Variants in NOD2 observed in about 807,000 individuals in gnomAD.
NOD2 encodes nucleotide-binding oligomerization domain-containing protein 2.
Under a neutral mutation model 90.9 loss-of-function variants are expected in NOD2, and 86 were observed. The observed-to-expected ratio is 0.95, with a 90% confidence interval of 0.79 to 1.13. The LOEUF is 1.13. NOD2 is among the 50% of genes most tolerant of loss of function. The probability of loss-of-function intolerance (pLI) is 0.00; values close to 1 mark genes in which losing one functional copy is unlikely to be tolerated. For synonymous variants in NOD2, 581 were observed against 554.6 expected, an observed-to-expected ratio of 1.05 and a Z score of -0.67; for missense variants, 1,238 against 1,283.8, an observed-to-expected ratio of 0.96 and a Z score of 0.55.
intron 9 of NOD2, among the ~76,000 whole-genome samples, chr16:50,725,011 C>T (rs1392527560): frequency 2.6e-5 from 4 of 152,142 alleles, no homozygotes; most frequent in Non-Finnish European, 5.9e-5. Flanking sequence ...TTCTGTATTC[C>T]CGGATTCGAT....
At chr16:50,723,406 C>G (rs1468744538) in intron 9 of NOD2, 22 bp downstream of exon 9, 1 of 1,607,030 alleles carries the variant, frequency 6.2e-7, no homozygotes, top group Non-Finnish European at 8.5e-7. Context: ...GGATTCTCTG[C>G]TCTGGGGAAG....
intron 2 of NOD2, among the ~76,000 whole-genome samples, chr16:50,707,223 A>G (rs534762629): frequency 6.6e-6 from 1 of 152,344 alleles, no homozygotes; most frequent in Admixed American, 6.5e-5. Flanking sequence ...GGTGGAGTCA[A>G]CAGGATTTGG....
chr16:50,698,328 T>C (rs1963756877), intron 1 of NOD2, among the ~76,000 whole-genome samples: 2 of 152,256 alleles, frequency 1.3e-5, no homozygotes, highest in Admixed American at 6.5e-5. Context: ...ATGATAGCAG[T>C]GGCAGCAGTC....
intron 1 of NOD2, among the ~76,000 whole-genome samples, chr16:50,696,686 G>A (rs1963662334): frequency 6.6e-6 from 1 of 152,258 alleles, no homozygotes; most frequent in South Asian, 2.1e-4. Context: ...AGATGTTTAA[G>A]ATGAGACAGG....
chr16:50,723,471 A>T, intron 9 of NOD2, 87 bp downstream of exon 9: 1 of 1,178,830 alleles, frequency 8.5e-7, no homozygotes. Context: ...GGTTGTGTGG[A>T]CAGACAAAGG....
At chr16:50,715,948 G>C (rs1412582371) in intron 4 of NOD2, among the ~76,000 whole-genome samples, 1 of 152,192 alleles carries the variant, frequency 6.6e-6, no homozygotes, top group Non-Finnish European at 1.5e-5. Flanking sequence ...CTGAGAATCT[G>C]TCTTTTAGGG....
At chr16:50,720,781 G>A (rs964866793) in intron 7 of NOD2, among the ~76,000 whole-genome samples, 1 of 152,182 alleles carries the variant, frequency 6.6e-6, no homozygotes, top group Non-Finnish European at 1.5e-5. Context: ...AGGGAGGCAA[G>A]TTGCCCCCAA....
chr16:50,710,812 G>T lies in NOD2; in HGVS notation c.820G>T (p.Ala274Ser), dbSNP rs1384936174. 1 of 1,614,116 alleles carries T rather than the reference G, an allele frequency of 6.2e-7. No individual in the cohort carries two copies. Residue 274 changes from alanine to serine, a missense_variant, in exon 4 of 12, where the codon GCG (alanine) becomes TCG (serine). Physicochemically the swap from Ala to Ser is moderately conservative, Grantham distance 99 (BLOSUM62 1). Transcript: ENST00000647318. ...DADTVLVVGE[A>S]GSGKSTLLQR... ...GGACACTGTGCTGGTGGTGGGTGAGGCGGGCAGTGGCAAGAGCACGCTCCT... is the reference window on the plus strand; with the variant it reads ...GGACACTGTGCTGGTGGTGGGTGAGTCGGGCAGTGGCAAGAGCACGCTCCT...
intron 4 of NOD2, chr16:50,713,620 A>G (rs977172123): frequency 8.0e-5 from 12 of 149,336 alleles, no homozygotes. Context: ...TGAAAAACAG[A>G]TTGTTTACAA....
intron 6 of NOD2, among the ~76,000 whole-genome samples, chr16:50,717,284 A>T (rs1042124695): frequency 3.3e-5 from 5 of 152,180 alleles, no homozygotes; most frequent in African/African-American, 1.2e-4. Flanking sequence ...TCCACGATGC[A>T]TGTTGAGCTC....
At chr16:50,709,631 C>T (rs1490213305) in intron 3 of NOD2, among the ~76,000 whole-genome samples, 1 of 152,158 alleles carries the variant, frequency 6.6e-6, no homozygotes, top group Non-Finnish European at 1.5e-5. Context: ...AGCTGGGGCA[C>T]CCCGGTGACC....
At chr16:50,717,401 G>A (rs1398820657) in intron 6 of NOD2, among the ~76,000 whole-genome samples, 1 of 152,154 alleles carries the variant, frequency 6.6e-6, no homozygotes, top group Non-Finnish European at 1.5e-5. Flanking sequence ...TGCAAGGTTT[G>A]CAGTCCATCT....
chr16:50,706,698 CT>C (rs529592403), intron 2 of NOD2, among the ~76,000 whole-genome samples: 3,839 of 140,412 alleles, frequency 0.027, 45 homozygotes, highest in Admixed American at 0.037. Flanking sequence ...CTATTTCTTT[CT>C]TTTTTTTTTT....
At chr16:50,717,757 T>A (rs1468945853) in intron 6 of NOD2, among the ~76,000 whole-genome samples, 2 of 152,240 alleles carry the variant, frequency 1.3e-5, no homozygotes, top group Non-Finnish European at 2.9e-5. Context: ...TACCACTGCC[T>A]GATCCCTCAG....
At position 50,732,530 on chromosome 16, in the gene NOD2, G is replaced by T. The variant is rs1211962040; in HGVS notation, c.*711G>T. The T allele has an allele frequency of 6.5e-6, 1 of 153,072 alleles. No individual in the cohort carries two copies. Among genetic ancestry groups the T allele is most frequent in the Non-Finnish European group, 1.5e-5 (1 of 68,634 alleles). The allele number at this position is 153,072 out of a possible 1,614,324, so 9.5% of individuals were successfully genotyped here. A position where few individuals can be genotyped will look rare whatever the true frequency, so the allele number is the denominator to read the frequency against. ...CCGTTTGTTCCCCAAGACATTCTAG[G>T]TTTGCAAGAAAAATATGACCACACT... On this transcript the variant is annotated 3_prime_UTR_variant, in exon 12 of 12. Coordinates refer to ENST00000647318, the MANE Select transcript of NOD2 (RefSeq NM_001370466.1).
Position 50,728,228 on chromosome 16 carries a change from C to A in NOD2, c.2886-1590C>A. ...GCTTTGATGATTGCTCTCAATTGGT[C>A]ATTGTCAGCTTCTGATGGCCTGCCA... is the stretch of plus-strand genomic sequence containing the variant. On this transcript the variant is annotated intron_variant, in intron 10 of 11. Transcript: ENST00000647318. The A allele has an allele frequency of 1.6e-5, 4 of 256,430 alleles. No homozygotes were observed. In the South Asian group the frequency reaches 1.8e-4, roughly 12 times the overall value. The allele number at this position is 256,430 out of a possible 1,614,324, so 15.9% of individuals were successfully genotyped here.
Position 50,731,748 on chromosome 16 carries a change from C to T in NOD2, c.2971C>T (p.Leu991Phe), listed in dbSNP as rs146435555. 89 of 1,611,278 alleles carry T rather than the reference C, an allele frequency of 5.5e-5. No homozygotes were observed. The highest frequency in any genetic ancestry group is 7.1e-5 in the Non-Finnish European group (84 of 1,177,506). The change falls in exon 12 of 12, where the codon CTC (leucine) becomes TTC (phenylalanine). Residue 991 changes from leucine (L) to phenylalanine (F), a missense_variant and splice_region_variant. Transcript: ENST00000647318. ...CTCTGTTCACTTGATCTGCTTTAGG[C>T]TCCGAGGGAACACTTTCTCTCTAGA... is the stretch of plus-strand genomic sequence containing the variant. ...ERNDTILEVW[L>F]RGNTFSLEEV...
At chr16:50,719,565 G>A (rs1409088625) in intron 6 of NOD2, among the ~76,000 whole-genome samples, 1 of 152,208 alleles carries the variant, frequency 6.6e-6, no homozygotes, top group Admixed American at 6.5e-5. Flanking sequence ...GGCTGCAGAG[G>A]GCACGATGGG....
chr16:50,700,264 G>T (rs1963879619), intron 2 of NOD2, among the ~76,000 whole-genome samples: 1 of 152,130 alleles, frequency 6.6e-6, no homozygotes, highest in Non-Finnish European at 1.5e-5. Context: ...TGGGACTACG[G>T]CTGCTGTACC....
Sources: gnomAD v4.1 joint callset for allele counts (sites outside exome capture counted in the v4.1 genomes callset) on GRCh38, gnomAD v4.1.1 for gene constraint, MANE v1.5 for transcripts, NCBI Gene and HGNC (gene_info 2026-07-23, HGNC 2026-07-21) for gene names.